Variants in PPIG observed in about 807,000 individuals in gnomAD.
PPIG encodes the protein peptidylprolyl isomerase G.
Under a neutral mutation model 87.9 loss-of-function variants are expected in PPIG, and 26 were observed. The observed-to-expected ratio is 0.30, with a 90% CI of 0.22 to 0.41. PPIG has a LOEUF of 0.41. Ranked by LOEUF, PPIG falls within the 10% of genes least tolerant of loss-of-function variation. The pLI is 1.00. For missense variants in PPIG, 722 were observed against 879.4 expected, an observed-to-expected ratio of 0.82 and a Z score of 2.26; for synonymous variants, 308 against 276.5, an observed-to-expected ratio of 1.11 and a Z score of -1.13.
rs1686272752 is a variant in PPIG at position 169,639,857 on chromosome 2, C to T, written c.*2334C>T. The T allele has an allele frequency of 6.6e-6, 1 of 152,002 alleles. No individual in the cohort carries two copies. Among genetic ancestry groups the T allele is most frequent in the African/African-American group, 2.4e-5 (1 of 41,406 alleles). 9.4% of individuals were successfully genotyped at this position (152,002 alleles called of 1,614,324 possible). On this transcript the variant is annotated 3_prime_UTR_variant, in exon 14 of 14. Transcript: ENST00000260970. ...AGTTTTTGCTTTGAACATTGTTTTC[C>T]TAAAAGTCAACTATTACTTTCCCAT...
chr2:169,598,814 T>TG (rs1559176583), intron 1 of PPIG, among the ~76,000 whole-genome samples: 7 of 148,100 alleles, frequency 4.7e-5, no homozygotes, highest in Admixed American at 6.8e-5. Context: ...AATATTTATA[T>TG]TTATATAAAT....
chr2:169,599,373 T>G (rs1045411524), intron 1 of PPIG, among the ~76,000 whole-genome samples: 1 of 152,232 alleles, frequency 6.6e-6, no homozygotes, highest in South Asian at 2.1e-4. Flanking sequence ...TTCATGTTAT[T>G]TTAAAAAGCT....
chr2:169,604,553 C>G (rs1685267932), intron 4 of PPIG, among the ~76,000 whole-genome samples: 1 of 151,928 alleles, frequency 6.6e-6, no homozygotes, highest in Non-Finnish European at 1.5e-5. Context: ...ACAGCAGTGA[C>G]TAGGGCGTGA....
chr2:169,618,210 A>G (rs1490109293), intron 9 of PPIG, among the ~76,000 whole-genome samples: 2 of 152,166 alleles, frequency 1.3e-5, no homozygotes, highest in Admixed American at 6.5e-5. Flanking sequence ...AGCTGACTTA[A>G]TCGTGGTGGA....
chr2:169,586,163 A>G (rs963690472), intron 1 of PPIG, among the ~76,000 whole-genome samples: 4 of 152,002 alleles, frequency 2.6e-5, no homozygotes, highest in African/African-American at 4.8e-5. Context: ...TTGTTTGACT[A>G]TTTCTTTATG....
rs1686237702 is a variant in PPIG, at chr2:169,638,350, A to C, written c.*827A>C. The C allele has an allele frequency of 6.6e-6, 1 of 151,892 alleles. No homozygotes were observed. The highest frequency in any genetic ancestry group is 2.1e-4 in the South Asian group (1 of 4,828). 9.4% of individuals were successfully genotyped at this position (151,892 alleles called of 1,614,324 possible). On this transcript the variant is annotated 3_prime_UTR_variant, in exon 14 of 14. Transcript: ENST00000260970. Reference sequence around the variant, plus strand: ...ACCCTTCTCTAAACTTTAAAAAAAAAAAAGCTTTTCTCATTAAAACATACC... The same window carrying C: ...ACCCTTCTCTAAACTTTAAAAAAAACAAAGCTTTTCTCATTAAAACATACC...
At chr2:169,622,506 A>G (rs894794386) in intron 9 of PPIG, among the ~76,000 whole-genome samples, 7 of 152,222 alleles carry the variant, frequency 4.6e-5, no homozygotes, top group African/African-American at 7.2e-5. Context: ...AAGTTGATGT[A>G]ACATCCAACT....
At chr2:169,594,863 A>C (rs981743732) in intron 1 of PPIG, among the ~76,000 whole-genome samples, 1 of 151,906 alleles carries the variant, frequency 6.6e-6, no homozygotes, top group Non-Finnish European at 1.5e-5. Context: ...CCTGACCTCA[A>C]GTGATGCCTT....
In PPIG at chr2:169,606,591, C is replaced by CAAAAAAAAAAAAAAAAAAAA. The variant is rs71006009; in HGVS notation, c.244+462_244+463insAAAAAAAAAAAAAAAAAAAA. ...TGAATGACAGAGCAAGACTCTGTCT[C>CAAAAAAAAAAAAAAAAAAAA]AAAAAAAAAAAAAAAAAGAAGGAAG... On this transcript the variant is annotated intron_variant, in intron 5 of 13. Coordinates refer to ENST00000260970, the MANE Select transcript of PPIG (RefSeq NM_004792.3). Among the ~76,000 whole-genome samples the CAAAAAAAAAAAAAAAAAAAA allele has an allele frequency of 2.5e-4, 21 of 85,010 alleles. 1 individual carries two copies. The highest frequency in any genetic ancestry group is 6.0e-4 in the African/African-American group (11 of 18,306). The allele number at this position is 85,010 out of a possible 152,430, so 55.8% of individuals were successfully genotyped here. A position where few individuals can be genotyped will look rare whatever the true frequency, so the allele number is the denominator to read the frequency against.
intron 4 of PPIG, among the ~76,000 whole-genome samples, chr2:169,605,091 T>C (rs1260983516): frequency 6.6e-6 from 1 of 152,112 alleles, no homozygotes; most frequent in Non-Finnish European, 1.5e-5. Flanking sequence ...CCCAGCACTT[T>C]GGAAGGCCAA....
chr2:169,637,631 T>C lies in PPIG; in HGVS notation c.*108T>C. ...CCTTTTCATTGTTTTTGGATTGTTTTATGTTTGTCCTTTTTTTTCTTAATG... is the reference window on the plus strand; with the variant it reads ...CCTTTTCATTGTTTTTGGATTGTTTCATGTTTGTCCTTTTTTTTCTTAATG... On this transcript the variant is annotated 3_prime_UTR_variant, in exon 14 of 14. Transcript: ENST00000260970. 8.3e-7 allele frequency: 1 copy of C among 1,202,800 alleles called. No homozygotes were observed. The highest frequency in any genetic ancestry group is 1.1e-6 in the Non-Finnish European group (1 of 887,332). 74.5% of individuals were successfully genotyped at this position (1,202,800 alleles called of 1,614,324 possible). A position where few individuals can be genotyped will look rare whatever the true frequency, so the allele number is the denominator to read the frequency against.
chr2:169,641,128 T>G lies in PPIG; in HGVS notation c.*3605T>G, dbSNP rs1225669779. ...GTATTTGTATGTGGGATGTACAAAA[T>G]TGTGGCCGCTCTCTTTGTGGAAGGA... On this transcript the variant is annotated 3_prime_UTR_variant, in exon 14 of 14. Transcript: ENST00000260970. The G allele has an allele frequency of 7.0e-6, 1 of 142,624 alleles. No homozygotes were observed. Among genetic ancestry groups the G allele is most frequent in the Non-Finnish European group, 1.6e-5 (1 of 63,146 alleles). The allele number at this position is 142,624 out of a possible 1,614,324, so 8.8% of individuals were successfully genotyped here. A position where few individuals can be genotyped will look rare whatever the true frequency, so the allele number is the denominator to read the frequency against.
chr2:169,628,124 A>G (rs916134652), intron 9 of PPIG, among the ~76,000 whole-genome samples: 1 of 152,110 alleles, frequency 6.6e-6, no homozygotes. Context: ...GTGAGACAAA[A>G]TTAGCTTCAC....
chr2:169,598,299 C>CTT (rs1467731072), intron 1 of PPIG, among the ~76,000 whole-genome samples: 1 of 151,522 alleles, frequency 6.6e-6, no homozygotes. Flanking sequence ...TTTTCTTTTT[C>CTT]TTTTTTTTGG....
At position 169,620,007 on chromosome 2, in the gene PPIG, T is replaced by C. The variant is rs571402445; in HGVS notation, c.547+5283T>C. Reference sequence around the variant, plus strand: ...CGTTGTCAGATGTATGGTTTGCAAATATTTTCTCCCATTCCAGAGGTTGTA... The same window carrying C: ...CGTTGTCAGATGTATGGTTTGCAAACATTTTCTCCCATTCCAGAGGTTGTA... On this transcript the variant is annotated intron_variant, in intron 9 of 13. Coordinates refer to ENST00000260970, the MANE Select transcript of PPIG (RefSeq NM_004792.3). 2.0e-5 allele frequency among the ~76,000 whole-genome samples: 3 copies of C among 152,320 alleles called. No individual in the cohort carries two copies. The South Asian group carries it at 6.2e-4, about 32-fold the overall frequency.
intron 10 of PPIG, among the ~76,000 whole-genome samples, chr2:169,631,275 A>G (rs901052679): frequency 1.7e-4 from 26 of 152,314 alleles, no homozygotes; most frequent in African/African-American, 5.8e-4. Context: ...TGAAAATTGC[A>G]GAAAACCACC....
chr2:169,595,153 CTT>C (rs746050361), intron 1 of PPIG, among the ~76,000 whole-genome samples: 1 of 152,110 alleles, frequency 6.6e-6, no homozygotes, highest in Non-Finnish European at 1.5e-5. Flanking sequence ...TTCTCGAACT[CTT>C]GACCTCAGGT....
At chr2:169,598,391 C>T (rs1685080586) in intron 1 of PPIG, among the ~76,000 whole-genome samples, 1 of 151,718 alleles carries the variant, frequency 6.6e-6, no homozygotes, top group African/African-American at 2.4e-5. Flanking sequence ...CCCGGGTTCA[C>T]ACCTTTCTCC....
chr2:169,607,291 T>TA (rs1000826342), intron 6 of PPIG, 143 bp downstream of exon 6: 63 of 511,990 alleles, frequency 1.2e-4, no homozygotes, highest in Middle Eastern at 5.3e-4. Context: ...AATTTTCTGG[T>TA]AAAAAAAATT....
Sources: gnomAD v4.1 joint callset for allele counts (sites outside exome capture counted in the v4.1 genomes callset) on GRCh38, gnomAD v4.1.1 for gene constraint, MANE v1.5 for transcripts, NCBI Gene and HGNC (gene_info 2026-07-23, HGNC 2026-07-21) for gene names.